UNC5A: variants seen among roughly 807,000 people sequenced by gnomAD.
UNC5A encodes netrin receptor UNC5A.
Under a neutral mutation model 87.4 loss-of-function variants are expected in UNC5A, and 20 were observed. That is an observed-to-expected ratio of 0.23 (90% CI 0.16 to 0.33). UNC5A has a LOEUF of 0.33. Ranked by LOEUF, UNC5A falls within the 10% of genes least tolerant of loss-of-function variation. The pLI, the probability that UNC5A is intolerant of heterozygous loss-of-function variation, is 1.00. For synonymous variants in UNC5A, 438 were observed against 482.3 expected (o/e 0.91, Z 1.20); for missense variants, 844 against 1,133.4 (o/e 0.74, Z 3.67).
chr5:176,819,505 G>A (rs893662164), intron 1 of UNC5A, among the ~76,000 whole-genome samples: 1 of 152,144 alleles, frequency 6.6e-6, no homozygotes, highest in Non-Finnish European at 1.5e-5. Context: ...TGCTCTTGGG[G>A]ATTCGGCACC....
At chr5:176,839,151 G>A (rs1417298679) in intron 1 of UNC5A, among the ~76,000 whole-genome samples, 3 of 152,152 alleles carry the variant, frequency 2.0e-5, no homozygotes, top group South Asian at 2.1e-4. Flanking sequence ...TCTCAAAGGC[G>A]ACTGCCTCCC....
intron 1 of UNC5A, among the ~76,000 whole-genome samples, chr5:176,833,100 G>A (rs1020312140): frequency 1.3e-5 from 2 of 152,240 alleles, no homozygotes; most frequent in Non-Finnish European, 1.5e-5. Context: ...GACCCTCTCA[G>A]GCCGAGGCCA....
chr5:176,823,792 C>T (rs1463742493), intron 1 of UNC5A, among the ~76,000 whole-genome samples: 2 of 152,068 alleles, frequency 1.3e-5, no homozygotes, highest in Non-Finnish European at 2.9e-5. Flanking sequence ...CTCTCAGCTC[C>T]ACCCTATTTG....
intron 1 of UNC5A, among the ~76,000 whole-genome samples, chr5:176,830,249 C>G (rs1267601195): frequency 6.6e-6 from 1 of 152,206 alleles, no homozygotes; most frequent in African/African-American, 2.4e-5. Flanking sequence ...ACTCCCTTCC[C>G]AGGAGCTCCC....
At chr5:176,847,947 G>A (rs892601467) in intron 1 of UNC5A, among the ~76,000 whole-genome samples, 7 of 152,096 alleles carry the variant, frequency 4.6e-5, no homozygotes, top group Non-Finnish European at 8.8e-5. Flanking sequence ...CAGCAGGCAG[G>A]TGAGGCGGAG....
intron 1 of UNC5A, among the ~76,000 whole-genome samples, chr5:176,850,767 G>A (rs1757522310): frequency 6.6e-6 from 1 of 152,196 alleles, no homozygotes; most frequent in Non-Finnish European, 1.5e-5. Context: ...ATTGTATGAG[G>A]AGGGGTCCAA....
chr5:176,855,245 G>T (rs1757637134), intron 1 of UNC5A, among the ~76,000 whole-genome samples: 1 of 152,224 alleles, frequency 6.6e-6, no homozygotes, highest in African/African-American at 2.4e-5. Flanking sequence ...ATGCCTGCAG[G>T]ACTGGCCCTT....
chr5:176,839,807 CTTTTTTTTTTTTTTT>C (rs58515865), intron 1 of UNC5A, among the ~76,000 whole-genome samples: 2 of 123,850 alleles, frequency 1.6e-5, no homozygotes, highest in Non-Finnish European at 3.3e-5. Context: ...CGGCCACTTC[CTTTTTTTTTTTTTTT>C]TTTTTTTTTT....
chr5:176,845,936 C>T (rs1179238005), intron 1 of UNC5A, among the ~76,000 whole-genome samples: 1 of 152,076 alleles, frequency 6.6e-6, no homozygotes, highest in African/African-American at 2.4e-5. Flanking sequence ...GGAGAGCCAA[C>T]AAAGGGCTGG....
chr5:176,877,838 G>A, intron 10 of UNC5A, 56 bp from the exon 11 acceptor site: 4 of 1,540,252 alleles, frequency 2.6e-6, no homozygotes, highest in Non-Finnish European at 3.5e-6. Context: ...TGAAGCCACA[G>A]CTGGCCCTAG....
Position 176,838,657 on chromosome 5 carries a change from C to T in UNC5A, c.71-23967C>T, listed in dbSNP as rs1466379797. Among the ~76,000 whole-genome samples the T allele has an allele frequency of 6.6e-6, 1 of 152,344 alleles. No individual in the cohort carries two copies. Among genetic ancestry groups the T allele is most frequent in the African/African-American group, 2.4e-5 (1 of 41,576 alleles). ...TCCCTGGTGTTGGCCATATCCTCGGCTTCCCCAGGGCATCCCCTAACATCT... is the reference window on the plus strand; with the variant it reads ...TCCCTGGTGTTGGCCATATCCTCGGTTTCCCCAGGGCATCCCCTAACATCT... On this transcript the variant is annotated intron_variant, in intron 1 of 14. Transcript: ENST00000329542. This position sits in a 1 kb window ranked among gnomAD's most constrained non-coding sequence, Gnocchi z 4.2.
rs1757777479 is a variant in UNC5A at position 176,859,550 on chromosome 5, T to C, written c.71-3074T>C. 4.8e-5 allele frequency among the ~76,000 whole-genome samples: 4 copies of C among 83,206 alleles called. No homozygotes were observed. The Admixed American group carries it at 4.9e-4, about 10-fold the overall frequency. 54.6% of individuals were successfully genotyped at this position (83,206 alleles called of 152,430 possible). A position where few individuals can be genotyped will look rare whatever the true frequency, so the allele number is the denominator to read the frequency against. On this transcript the variant is annotated intron_variant, in intron 1 of 14. Coordinates refer to ENST00000329542, the MANE Select transcript of UNC5A (RefSeq NM_133369.3). The stretch of plus-strand genomic sequence containing the variant: ...TGTCCTTGCTAGAGGGCATAGCTGC[T>C]AGAATGTCCTTGCTAGAGGGCATGG...
At chr5:176,816,319 C>T (rs1040978442) in intron 1 of UNC5A, among the ~76,000 whole-genome samples, 1 of 152,242 alleles carries the variant, frequency 6.6e-6, no homozygotes, top group African/African-American at 2.4e-5. Flanking sequence ...TGAGTCCCAA[C>T]CCCTAGGCCA....
Position 176,862,745 on chromosome 5 carries a change from G to A in UNC5A, c.192G>A (p.Val64=), listed in dbSNP as rs1581269173. Residue 64 remains valine, a synonymous_variant, in exon 2 of 15, where the codon GTG becomes GTA. Coordinates refer to ENST00000329542, the MANE Select transcript of UNC5A (RefSeq NM_133369.3). ...TCAAGAACAAGCCAGTGCTGCTTGT[G>A]TGCAAGGCCGTGCCCGCCACGCAGA... ...YIVKNKPVLL[V]CKAVPATQIF... The A allele has an allele frequency of 1.2e-6, 2 of 1,613,624 alleles. No homozygotes were observed.
At chr5:176,857,535 G>A (rs541326903) in intron 1 of UNC5A, among the ~76,000 whole-genome samples, 26 of 151,722 alleles carry the variant, frequency 1.7e-4, no homozygotes, top group African/African-American at 5.8e-4. Context: ...ACACACATGC[G>A]CACACACACA....
intron 13 of UNC5A, 102 bp from the exon 14 acceptor site, chr5:176,879,208 C>A: frequency 7.2e-7 from 1 of 1,388,958 alleles, no homozygotes; most frequent in South Asian, 1.4e-5. Context: ...TCATGCCGCC[C>A]CCATGCTCTG....
Position 176,862,844 on chromosome 5 carries a change from T to C in UNC5A, c.291T>C (p.Ser97=), listed in dbSNP as rs940950792. The C allele has an allele frequency of 6.2e-7, 1 of 1,612,524 alleles. No individual in the cohort carries two copies. Among genetic ancestry groups the C allele is most frequent in the Non-Finnish European group, 8.5e-7 (1 of 1,179,734 alleles). ...TCGAGCGCAGCACAGACGGGAGCAG[T>C]GGTGAGCCGCATGGGGCGCCAGGCA... The part of the protein sequence containing the change: ...HVIERSTDGS[S]GLPTMEVRIN... The change falls in exon 2 of 15, where the codon AGT becomes AGC. Residue 97 remains serine (S), a splice_region_variant and synonymous_variant. Coordinates refer to ENST00000329542, the MANE Select transcript of UNC5A (RefSeq NM_133369.3).
chr5:176,873,932 C>G, intron 6 of UNC5A, 36 bp from the exon 7 acceptor site: 1 of 1,601,560 alleles, frequency 6.2e-7, no homozygotes, highest in East Asian at 2.2e-5. Flanking sequence ...GACTCCTACA[C>G]CCCTGCCCCC....
Position 176,877,185 on chromosome 5 carries a change from G to T in UNC5A, c.1379-7G>T, listed in dbSNP as rs540870015. The T allele has an allele frequency of 1.2e-6, 2 of 1,608,210 alleles. No homozygotes were observed. The highest frequency in any genetic ancestry group is 2.2e-5 in the South Asian group (2 of 90,930). On this transcript the variant is annotated splice_region_variant and splice_polypyrimidine_tract_variant and intron_variant, in intron 8 of 14. Transcript: ENST00000329542. ...GGTAAGCCCTGGCCCTCTTCCTGCC[G>T]TTCCAGGAATCAGCCTCCTCATCCC...
Sources: gnomAD v4.1 joint callset for allele counts (sites outside exome capture counted in the v4.1 genomes callset) on GRCh38, gnomAD v4.1.1 for gene constraint, Gnocchi (gnomAD v3.1) non-coding constraint, MANE v1.5 for transcripts, NCBI Gene and HGNC (gene_info 2026-07-23, HGNC 2026-07-21) for gene names.